DGKB: variants seen among roughly 807,000 people sequenced by gnomAD.
DGKB encodes 90 kDa diacylglycerol kinase.
DGKB carries 67 observed loss-of-function variants against 114.3 expected under a neutral mutation model. The observed-to-expected ratio is 0.59, with a 90% confidence interval of 0.48 to 0.72. The LOEUF (loss-of-function observed/expected upper bound fraction) is 0.72. Among genes scored for constraint, DGKB ranks in the 30% least tolerant of loss-of-function variants. The pLI is 0.00. For synonymous variants in DGKB, 398 were observed against 323.1 expected (o/e 1.23, Z -2.49); for missense variants, 907 against 975.2 (o/e 0.93, Z 0.93).
chr7:14,778,700 G>A (rs978665390), intron 2 of DGKB, among the ~76,000 whole-genome samples: 4 of 152,138 alleles, frequency 2.6e-5, no homozygotes, highest in Non-Finnish European at 5.9e-5. Flanking sequence ...CAGTTAGAAG[G>A]GAGAGGTGAA....
At chr7:14,753,780 T>C (rs1834455314) in intron 4 of DGKB, 148 bp downstream of exon 4, 3 of 596,224 alleles carry the variant, frequency 5.0e-6, no homozygotes, top group Non-Finnish European at 8.8e-6. Context: ...AGCTTAGTTA[T>C]AACCTATGAG....
chr7:14,296,590 G>T (rs551820469), intron 23 of DGKB, among the ~76,000 whole-genome samples: 2 of 152,040 alleles, frequency 1.3e-5, no homozygotes, highest in African/African-American at 4.8e-5. Context: ...ACATGAGAAA[G>T]CAGGAAAAAT....
At chr7:14,771,899 C>G (rs1020459196) in intron 2 of DGKB, among the ~76,000 whole-genome samples, 1 of 152,090 alleles carries the variant, frequency 6.6e-6, no homozygotes, top group Non-Finnish European at 1.5e-5. Context: ...TCCCTGAAGT[C>G]TGATATCTGA....
chr7:14,699,903 A>C (rs1370697268), intron 7 of DGKB, among the ~76,000 whole-genome samples: 1 of 144,050 alleles, frequency 6.9e-6, no homozygotes, highest in African/African-American at 2.6e-5. Flanking sequence ...GGGCAGAGAC[A>C]AAAAAAAAAA....
At chr7:14,673,760 G>GTA (rs1819393347) in intron 12 of DGKB, among the ~76,000 whole-genome samples, 2 of 151,882 alleles carry the variant, frequency 1.3e-5, no homozygotes, top group African/African-American at 4.8e-5. Flanking sequence ...AAACTGAGAT[G>GTA]GTAGTTTTTT....
chr7:14,289,500 T>C (rs760110321), intron 23 of DGKB, among the ~76,000 whole-genome samples: 5 of 152,188 alleles, frequency 3.3e-5, no homozygotes, highest in Non-Finnish European at 7.4e-5. Flanking sequence ...CATTTACACA[T>C]TCTATTTAGA....
chr7:14,463,940 A>T lies in DGKB; in HGVS notation c.1835+14221T>A, dbSNP rs187332316. 3.6e-3 allele frequency among the ~76,000 whole-genome samples: 549 copies of T among 152,164 alleles called. 4 individuals are homozygous for T. The highest frequency in any genetic ancestry group is 5.7e-3 in the Non-Finnish European group (389 of 67,986). On this transcript the variant is annotated intron_variant, in intron 21 of 25. Coordinates refer to ENST00000402815, the MANE Select transcript of DGKB (RefSeq NM_001350709.2). ...ACACAACTTACACGTTAGGTTTACAACTGTTTATTAGGCTATAATAACTGA... is the reference window on the plus strand; with the variant it reads ...ACACAACTTACACGTTAGGTTTACATCTGTTTATTAGGCTATAATAACTGA...
intron 5 of DGKB, among the ~76,000 whole-genome samples, chr7:14,735,828 G>T (rs1426008102): frequency 2.0e-5 from 3 of 152,032 alleles, no homozygotes; most frequent in Non-Finnish European, 4.4e-5. Flanking sequence ...GAATTCTAAA[G>T]CAAGTGATAG....
intron 21 of DGKB, among the ~76,000 whole-genome samples, chr7:14,425,137 TTC>T (rs1367311312): frequency 6.6e-6 from 1 of 152,146 alleles, no homozygotes; most frequent in Non-Finnish European, 1.5e-5. Flanking sequence ...GATTTTTTTC[TTC>T]TTTTATTTGC....
At chr7:14,919,457 A>G (rs1784413251) in intron 1 of DGKB, among the ~76,000 whole-genome samples, 1 of 152,234 alleles carries the variant, frequency 6.6e-6, no homozygotes, top group Non-Finnish European at 1.5e-5. Context: ...AAACCTATAC[A>G]GAGACCTTAC....
intron 5 of DGKB, among the ~76,000 whole-genome samples, chr7:14,722,674 C>A (rs564333043): frequency 5.3e-5 from 8 of 151,750 alleles, no homozygotes; most frequent in African/African-American, 1.9e-4. Context: ...TAGCTGGGCG[C>A]GGTGGTACAT....
chr7:14,244,171 C>T (rs1562722833), intron 23 of DGKB, among the ~76,000 whole-genome samples: 1 of 152,018 alleles, frequency 6.6e-6, no homozygotes, highest in Non-Finnish European at 1.5e-5. Flanking sequence ...GTGGACTAGG[C>T]CTTGAATAAA....
chr7:14,298,196 A>T (rs1030928338), intron 23 of DGKB, among the ~76,000 whole-genome samples: 5 of 152,198 alleles, frequency 3.3e-5, no homozygotes, highest in Admixed American at 3.3e-4. Context: ...ACATAATTAG[A>T]AAAAACTACT....
intron 1 of DGKB, among the ~76,000 whole-genome samples, chr7:14,873,887 T>C (rs1852854047): frequency 6.6e-6 from 1 of 152,080 alleles, no homozygotes; most frequent in South Asian, 2.1e-4. Context: ...TGGTATCCTC[T>C]TTGTAAAATA....
At chr7:14,695,494 C>CTCTTTTT (rs1823671843) in intron 8 of DGKB, among the ~76,000 whole-genome samples, 19 of 75,170 alleles carry the variant, frequency 2.5e-4, no homozygotes, top group African/African-American at 5.9e-4. Context: ...CTCTCTCTCT[C>CTCTTTTT]TTTTTTTTTT....
intron 2 of DGKB, among the ~76,000 whole-genome samples, chr7:14,770,439 G>C (rs1183740220): frequency 6.6e-6 from 1 of 152,092 alleles, no homozygotes; most frequent in Non-Finnish European, 1.5e-5. Flanking sequence ...ACTGCATTTG[G>C]TCATTGCCTG....
chr7:14,547,039 T>C (rs1216338940), intron 20 of DGKB, among the ~76,000 whole-genome samples: 2 of 152,220 alleles, frequency 1.3e-5, no homozygotes, highest in Non-Finnish European at 2.9e-5. Context: ...AAAGGAATCA[T>C]TAAGCTTGCC....
At chr7:14,644,570 C>G (rs913614723) in intron 13 of DGKB, among the ~76,000 whole-genome samples, 10 of 152,084 alleles carry the variant, frequency 6.6e-5, no homozygotes, top group Admixed American at 5.2e-4. Context: ...ATAAAAAGTA[C>G]AGTTGAGAGC....
chr7:14,544,745 T>A (rs554289214), intron 20 of DGKB, among the ~76,000 whole-genome samples: 1 of 152,292 alleles, frequency 6.6e-6, no homozygotes, highest in South Asian at 2.1e-4. Flanking sequence ...AAACTTGACA[T>A]GTTGTTTTTT....
Sources: allele counts gnomAD v4.1 joint callset (sites outside exome capture counted in the v4.1 genomes callset), GRCh38; gene constraint gnomAD v4.1.1; transcripts MANE v1.5; gene names NCBI Gene and HGNC (gene_info 2026-07-23, HGNC 2026-07-21).